The following TRIM44 variants were observed in gnomAD, a reference collection of about 807,000 sequenced individuals.
TRIM44 encodes the protein tripartite motif-containing protein 44.
Under a neutral mutation model 37.4 loss-of-function variants are expected in TRIM44, and 13 were observed. The observed-to-expected ratio is 0.35, with a 90% confidence interval of 0.23 to 0.55. The LOEUF (loss-of-function observed/expected upper bound fraction) is 0.55. Ranked by LOEUF, TRIM44 falls within the 20% of genes least tolerant of loss-of-function variation. The pLI is 0.89. For missense variants in TRIM44, 426 were observed against 437.2 expected, an observed-to-expected ratio of 0.97 and a Z score of 0.23; for synonymous variants, 175 against 157.2, an observed-to-expected ratio of 1.11 and a Z score of -0.85.
rs1488894621 is a variant in TRIM44, at chr11:35,813,674, A to G, written c.*7289A>G. On this transcript the variant is annotated 3_prime_UTR_variant, in exon 5 of 5. Coordinates refer to ENST00000299413, the MANE Select transcript of TRIM44 (RefSeq NM_017583.6). ...TCACTGTATCATGGGACAATATTCT[A>G]TTTAAAATGATGACCCTGTGCACCA... The G allele has an allele frequency of 6.6e-6, 1 of 152,138 alleles. No individual in the cohort carries two copies. Among genetic ancestry groups the G allele is most frequent in the South Asian group, 2.1e-4 (1 of 4,828 alleles). 9.4% of individuals were successfully genotyped at this position (152,138 alleles called of 1,614,324 possible). A position where few individuals can be genotyped will look rare whatever the true frequency, so the allele number is the denominator to read the frequency against.
At chr11:35,685,491 G>A (rs1316072940) in intron 2 of TRIM44, among the ~76,000 whole-genome samples, 155 bp downstream of exon 2, 1 of 152,182 alleles carries the variant, frequency 6.6e-6, no homozygotes, top group East Asian at 1.9e-4. Flanking sequence ...TATGCCTAGA[G>A]ATAAGTCATC....
intron 2 of TRIM44, among the ~76,000 whole-genome samples, chr11:35,697,658 G>C (rs1261366036): frequency 6.6e-6 from 1 of 151,532 alleles, no homozygotes; most frequent in Non-Finnish European, 1.5e-5. Flanking sequence ...CTGTGTCCAT[G>C]TGTTCTCATT....
chr11:35,755,139 T>C (rs1403376036), intron 4 of TRIM44, among the ~76,000 whole-genome samples: 1 of 152,224 alleles, frequency 6.6e-6, no homozygotes, highest in Non-Finnish European at 1.5e-5. Context: ...AAAGTGTTCC[T>C]ATTTCTCCAC....
intron 4 of TRIM44, among the ~76,000 whole-genome samples, chr11:35,795,292 A>G (rs1853266677): frequency 6.6e-6 from 1 of 152,170 alleles, no homozygotes; most frequent in Non-Finnish European, 1.5e-5. Context: ...GATATAATCT[A>G]TTGCACATTT....
At chr11:35,794,885 C>T (rs1057236236) in intron 4 of TRIM44, among the ~76,000 whole-genome samples, 9 of 152,252 alleles carry the variant, frequency 5.9e-5, no homozygotes, top group East Asian at 1.9e-4. Flanking sequence ...TAGTTAAAGC[C>T]GTTTGCCACC....
At chr11:35,737,580 A>C (rs1004720122) in intron 4 of TRIM44, among the ~76,000 whole-genome samples, 5 of 152,208 alleles carry the variant, frequency 3.3e-5, no homozygotes, top group Non-Finnish European at 7.3e-5. Context: ...TCACGCCTGT[A>C]ATCCCAGGAC....
chr11:35,662,803 C>T lies in TRIM44; in HGVS notation c.-309C>T, dbSNP rs1014787562. 15 of 249,806 alleles carry T rather than the reference C, an allele frequency of 6.0e-5. No homozygotes were observed. Among genetic ancestry groups the T allele is most frequent in the African/African-American group, 3.4e-4 (15 of 44,376 alleles). 15.5% of individuals were successfully genotyped at this position (249,806 alleles called of 1,614,324 possible). A position where few individuals can be genotyped will look rare whatever the true frequency, so the allele number is the denominator to read the frequency against. On this transcript the variant is annotated 5_prime_UTR_variant, in exon 1 of 5. Coordinates refer to ENST00000299413, the MANE Select transcript of TRIM44 (RefSeq NM_017583.6). Reference sequence around the variant, plus strand: ...GGCTGCCGCGATCTCTCCCTGGTAGCGGGAGGCTGAGCGGGCGGCGCGACG... The same window carrying T: ...GGCTGCCGCGATCTCTCCCTGGTAGTGGGAGGCTGAGCGGGCGGCGCGACG...
chr11:35,793,883 A>T (rs10219354), intron 4 of TRIM44, among the ~76,000 whole-genome samples: 2,876 of 152,288 alleles, frequency 0.019, 101 homozygotes, highest in African/African-American at 0.065. Context: ...TGGAGTGTTA[A>T]TGCTGTTACA....
At chr11:35,707,181 C>A (rs1201318563) in intron 2 of TRIM44, among the ~76,000 whole-genome samples, 8 of 152,086 alleles carry the variant, frequency 5.3e-5, no homozygotes, top group South Asian at 4.2e-4. Flanking sequence ...AAAGAGAATA[C>A]AATACCTAGG....
At chr11:35,799,066 T>G (rs985233579) in intron 4 of TRIM44, among the ~76,000 whole-genome samples, 1 of 152,220 alleles carries the variant, frequency 6.6e-6, no homozygotes, top group Non-Finnish European at 1.5e-5. Context: ...AGTAAAGGAC[T>G]CAGTCCTAAA....
intron 4 of TRIM44, among the ~76,000 whole-genome samples, chr11:35,755,164 C>A (rs536994383): frequency 6.6e-6 from 1 of 152,146 alleles, no homozygotes; most frequent in Non-Finnish European, 1.5e-5. Context: ...TCTCCAGCAC[C>A]TGTTGTTTCC....
intron 4 of TRIM44, among the ~76,000 whole-genome samples, chr11:35,779,035 C>A (rs933401254): frequency 6.6e-6 from 1 of 152,204 alleles, no homozygotes; most frequent in Non-Finnish European, 1.5e-5. Flanking sequence ...CTATGCCCTG[C>A]CCCCAGAGGT....
At chr11:35,761,598 CAT>C (rs1211111658) in intron 4 of TRIM44, among the ~76,000 whole-genome samples, 5 of 152,184 alleles carry the variant, frequency 3.3e-5, no homozygotes, top group African/African-American at 1.2e-4. Context: ...ATAATAACCT[CAT>C]AGGGGTAGAG....
chr11:35,746,073 G>A (rs909447465), intron 4 of TRIM44, among the ~76,000 whole-genome samples: 1 of 152,202 alleles, frequency 6.6e-6, no homozygotes, highest in African/African-American at 2.4e-5. Context: ...TTCCTTAAAA[G>A]GTAATCAAAC....
chr11:35,790,046 A>C (rs947834631), intron 4 of TRIM44, among the ~76,000 whole-genome samples: 1 of 152,076 alleles, frequency 6.6e-6, no homozygotes, highest in African/African-American at 2.4e-5. Context: ...GGAGGGCAAA[A>C]TGTGTCTTTA....
intron 2 of TRIM44, among the ~76,000 whole-genome samples, chr11:35,718,890 T>G (rs903337496): frequency 6.8e-6 from 1 of 148,112 alleles, no homozygotes; most frequent in Admixed American, 6.7e-5. Flanking sequence ...TAGCTTTTTT[T>G]TTTTCTTGTT....
At chr11:35,677,520 C>T (rs1009176706) in intron 1 of TRIM44, among the ~76,000 whole-genome samples, 2 of 151,998 alleles carry the variant, frequency 1.3e-5, no homozygotes, top group African/African-American at 4.8e-5. Flanking sequence ...GAAATTATAA[C>T]TAACATTTAT....
At chr11:35,679,316 T>G (rs528151931) in intron 1 of TRIM44, among the ~76,000 whole-genome samples, 32 of 152,352 alleles carry the variant, frequency 2.1e-4, no homozygotes, top group African/African-American at 7.5e-4. Flanking sequence ...CTACTTTTGC[T>G]TCTACCCTTT....
At chr11:35,733,078 T>C (rs1035567557) in intron 3 of TRIM44, among the ~76,000 whole-genome samples, 3 of 152,312 alleles carry the variant, frequency 2.0e-5, no homozygotes, top group African/African-American at 7.2e-5. Flanking sequence ...ACTAGACACT[T>C]GCTTAGTGTT....
Sources: gnomAD v4.1 joint callset for allele counts (sites outside exome capture counted in the v4.1 genomes callset) on GRCh38, gnomAD v4.1.1 for gene constraint, MANE v1.5 for transcripts, NCBI Gene and HGNC (gene_info 2026-07-23, HGNC 2026-07-21) for gene names.